PTPRE: variants seen among roughly 807,000 people sequenced by gnomAD.
PTPRE encodes receptor-type tyrosine-protein phosphatase epsilon.
A neutral mutation model predicts 102.0 loss-of-function variants in PTPRE; 51 were observed. The observed-to-expected ratio is 0.50, with a 90% CI of 0.40 to 0.63. The LOEUF is 0.63. Ranked by LOEUF, PTPRE falls within the 30% of genes least tolerant of loss-of-function variation. The pLI is 0.00. For synonymous variants in PTPRE, 345 were observed against 348.2 expected, an observed-to-expected ratio of 0.99 and a Z score of 0.10; for missense variants, 752 against 915.1, an observed-to-expected ratio of 0.82 and a Z score of 2.30.
At chr10:128,072,632 A>G (rs1317040668) in intron 16 of PTPRE, 2 of 142,540 alleles carry the variant, frequency 1.4e-5, no homozygotes, top group Non-Finnish European at 3.0e-5. Flanking sequence ...AACCTGGGCA[A>G]CAGAGTGAGA....
At chr10:128,062,910 CAG>C in intron 9 of PTPRE, 171 bp from the exon 10 acceptor site, 7 of 1,172,270 alleles carry the variant, frequency 6.0e-6, no homozygotes, top group Non-Finnish European at 8.1e-6. Context: ...AGTGGCAGGA[CAG>C]GCAGCCCCTA....
In PTPRE at chr10:127,979,473, T is replaced by G. The variant is rs1851443299; in HGVS notation, c.-30-2801T>G. 3.3e-5 allele frequency among the ~76,000 whole-genome samples: 5 copies of G among 152,362 alleles called. No individual in the cohort carries two copies. The South Asian group carries it at 1.0e-3, about 32-fold the overall frequency. On this transcript the variant is annotated intron_variant, in intron 1 of 20. Transcript: ENST00000254667. ...GAAACTGATAGTTGTGGTTTCCTAC[T>G]ATCATGTGTGAGCCACAAACCAATA...
chr10:127,921,837 G>A (rs1001572183), intron 1 of PTPRE, among the ~76,000 whole-genome samples: 3 of 152,204 alleles, frequency 2.0e-5, no homozygotes, highest in Non-Finnish European at 2.9e-5. Flanking sequence ...AATGAGGTCA[G>A]GACTTTCTTC....
At chr10:128,040,239 A>G (rs6482649) in intron 2 of PTPRE, among the ~76,000 whole-genome samples, 150,355 of 152,194 alleles carry the variant, frequency 0.99, 74,296 homozygotes, top group East Asian at 1. Context: ...TGCTGGAGCC[A>G]GACCAAGCAT....
chr10:127,952,636 C>T (rs1419898751), intron 1 of PTPRE, among the ~76,000 whole-genome samples: 1 of 151,982 alleles, frequency 6.6e-6, no homozygotes, highest in African/African-American at 2.4e-5. Flanking sequence ...ACCCATAGTA[C>T]TCAGCCTATA....
At position 128,016,194 on chromosome 10, in the gene PTPRE, G is replaced by A. The variant is rs901752730; in HGVS notation, c.-7-24681G>A. Among the ~76,000 whole-genome samples, 21 of 152,110 alleles carry A rather than the reference G, an allele frequency of 1.4e-4. 1 individual carries two copies. The highest frequency in any genetic ancestry group is 4.1e-4 in the South Asian group (2 of 4,828). The stretch of plus-strand genomic sequence containing the variant: ...GACATTTGCCCAAACTCATCATACC[G>A]TAGGCTTAAGGCCCATGCACTTAAC... On this transcript the variant is annotated intron_variant, in intron 2 of 20. Transcript: ENST00000254667.
chr10:127,989,735 T>C lies in PTPRE; in HGVS notation c.-8+7439T>C, dbSNP rs147089847. The stretch of plus-strand genomic sequence containing the variant: ...CAGAGAACATTAACAAATAAGAACA[T>C]ATCCTGTGGATTCTGCAAACGGTTT... On this transcript the variant is annotated intron_variant, in intron 2 of 20. Transcript: ENST00000254667. Among the ~76,000 whole-genome samples the C allele has an allele frequency of 9.5e-4, 145 of 152,348 alleles. 2 individuals are homozygous for C. The highest frequency in any genetic ancestry group is 9.1e-3 in the South Asian group (44 of 4,834).
At chr10:127,937,905 T>A (rs1384170854) in intron 1 of PTPRE, among the ~76,000 whole-genome samples, 1 of 152,080 alleles carries the variant, frequency 6.6e-6, no homozygotes, top group Admixed American at 6.6e-5. Context: ...TGTGTGTGTG[T>A]GTGTGTACAT....
At chr10:127,978,201 G>A (rs552636012) in intron 1 of PTPRE, among the ~76,000 whole-genome samples, 1 of 152,116 alleles carries the variant, frequency 6.6e-6, no homozygotes. Context: ...TGGGAGGAAG[G>A]AGATATAGAC....
At chr10:127,978,491 T>C (rs753882422) in intron 1 of PTPRE, among the ~76,000 whole-genome samples, 38 of 152,140 alleles carry the variant, frequency 2.5e-4, no homozygotes, top group Non-Finnish European at 4.6e-4. Flanking sequence ...CAGTGAGATA[T>C]GATCGTGCCA....
Position 128,070,057 on chromosome 10 carries a change from A to G in PTPRE, c.1143+230A>G. ...TGAGATGGGGCAATCCTACTCCCCC[A>G]AACGGTGCATGTACACAGTGCGTGG... On this transcript the variant is annotated intron_variant, in intron 13 of 20. Coordinates refer to ENST00000254667, the MANE Select transcript of PTPRE (RefSeq NM_006504.6). The surrounding 1 kb of genome is among the most constrained non-coding windows in gnomAD (Gnocchi z 4.8). 1.4e-6 allele frequency: 1 copy of G among 706,504 alleles called. No homozygotes were observed. The highest frequency in any genetic ancestry group is 2.3e-6 in the Non-Finnish European group (1 of 431,008). The allele number at this position is 706,504 out of a possible 1,614,324, so 43.8% of individuals were successfully genotyped here.
At chr10:127,909,296 A>C (rs780581083) in intron 1 of PTPRE, among the ~76,000 whole-genome samples, 1 of 152,190 alleles carries the variant, frequency 6.6e-6, no homozygotes, top group Non-Finnish European at 1.5e-5. Flanking sequence ...CCAAACCCCA[A>C]GAGAAGATGC....
intron 1 of PTPRE, among the ~76,000 whole-genome samples, chr10:127,979,744 T>C (rs1368024167): frequency 6.6e-6 from 1 of 152,248 alleles, no homozygotes; most frequent in Non-Finnish European, 1.5e-5. Context: ...TTGTCAATCG[T>C]GCAACCATTG....
At chr10:127,959,727 G>A (rs1849661968) in intron 1 of PTPRE, among the ~76,000 whole-genome samples, 1 of 152,172 alleles carries the variant, frequency 6.6e-6, no homozygotes, top group African/African-American at 2.4e-5. Context: ...ATGATCCTGG[G>A]TCAGCTACTT....
intron 1 of PTPRE, among the ~76,000 whole-genome samples, chr10:127,966,051 A>G (rs141346256): frequency 7.9e-4 from 121 of 152,362 alleles, no homozygotes; most frequent in African/African-American, 2.6e-3. Flanking sequence ...CTCACTGTAC[A>G]AGGAAGTGAA....
intron 3 of PTPRE, among the ~76,000 whole-genome samples, chr10:128,044,648 A>T (rs773655749): frequency 4.6e-5 from 7 of 152,232 alleles, no homozygotes; most frequent in Non-Finnish European, 8.8e-5. Flanking sequence ...CTAGACAGTC[A>T]TACAGGAAGA....
chr10:128,025,598 C>T (rs1043399170), intron 2 of PTPRE, among the ~76,000 whole-genome samples: 1 of 152,190 alleles, frequency 6.6e-6, no homozygotes, highest in African/African-American at 2.4e-5. Flanking sequence ...CCAGACCCTG[C>T]AGCTTCTCCA....
intron 1 of PTPRE, among the ~76,000 whole-genome samples, chr10:127,961,559 C>A (rs1473319519): frequency 6.6e-6 from 1 of 152,272 alleles, no homozygotes; most frequent in South Asian, 2.1e-4. Flanking sequence ...TGCTGGCAGG[C>A]ACAGCCTTCT....
intron 1 of PTPRE, among the ~76,000 whole-genome samples, chr10:127,939,662 C>A (rs9783160): frequency 5.3e-5 from 8 of 152,146 alleles, no homozygotes; most frequent in African/African-American, 1.9e-4. Context: ...CCAAGGCTTC[C>A]GGGTAGGGCT....
Sources: allele counts gnomAD v4.1 joint callset (sites outside exome capture counted in the v4.1 genomes callset), GRCh38; gene constraint gnomAD v4.1.1; non-coding constraint Gnocchi (gnomAD v3.1); transcripts MANE v1.5; gene names NCBI Gene and HGNC (gene_info 2026-07-23, HGNC 2026-07-21).